Variants in FGF13 observed in about 807,000 individuals in gnomAD.
FGF13 encodes the protein fibroblast growth factor homologous factor 2.
FGF13 carries 2 observed loss-of-function variants against 19.5 expected under a neutral mutation model. That is an observed-to-expected ratio of 0.10 (90% CI 0.04 to 0.32). FGF13 has a LOEUF of 0.32. FGF13 is among the 10% of genes least tolerant of loss of function. The probability of loss-of-function intolerance (pLI) is 1.00; values close to 1 mark genes in which losing one functional copy is unlikely to be tolerated. For synonymous variants in FGF13, 72 were observed against 76.9 expected (o/e 0.94, Z 0.33); for missense variants, 113 against 192.7 (o/e 0.59, Z 2.45).
At chrX:139,169,308 G>T (rs766239967) in intron 1 of FGF13, among the ~76,000 whole-genome samples, 1 of 111,699 alleles carries the variant, frequency 9.0e-6, no homozygotes, top group African/African-American at 3.3e-5. Flanking sequence ...ATTAGAAAAA[G>T]GTAATCCCTC....
At chrX:139,066,158 G>C (rs762695287) in intron 1 of FGF13, among the ~76,000 whole-genome samples, 2 of 111,725 alleles carry the variant, frequency 1.8e-5, no homozygotes, top group Admixed American at 9.5e-5. Context: ...GAATCTCTGG[G>C]ACACATTTAA....
chrX:139,198,293 T>C (rs1472159737), intron 1 of FGF13, among the ~76,000 whole-genome samples: 1 of 112,009 alleles, frequency 8.9e-6, no homozygotes, highest in Non-Finnish European at 1.9e-5. Context: ...CTTTTCTTTC[T>C]TCCCAGCCCT....
intron 1 of FGF13, chrX:138,985,241 T>A (rs1001915596): frequency 8.0e-6 from 2 of 249,432 alleles, no homozygotes; most frequent in African/African-American, 5.8e-5. Context: ...TCCTGGATTT[T>A]GGTTTTGGTT....
rs190808848 is a variant in FGF13, at chrX:138,694,938, T to C, written c.402+8046A>G. On this transcript the variant is annotated intron_variant, in intron 3 of 4. Transcript: ENST00000315930. ...AAAAACTGGGATCTTAGGAGTAGGA[T>C]ATTTACATGGTCTCAAAGTGTCTCC... Among the ~76,000 whole-genome samples, 157 of 108,297 alleles carry C rather than the reference T, an allele frequency of 1.4e-3. 1 individual carries two copies. The highest frequency in any genetic ancestry group is 4.9e-3 in the African/African-American group (146 of 29,661). 94.0% of individuals were successfully genotyped at this position (108,297 alleles called of 115,157 possible).
intron 1 of FGF13, among the ~76,000 whole-genome samples, chrX:138,892,061 A>G (rs2091481044): frequency 9.4e-6 from 1 of 106,175 alleles, no homozygotes; most frequent in Non-Finnish European, 1.9e-5. Context: ...CTGTCCCTCT[A>G]AGAGAACCCT....
chrX:138,817,186 G>T (rs1467984163), intron 3 of FGF13, among the ~76,000 whole-genome samples: 1 of 111,255 alleles, frequency 9.0e-6, no homozygotes, highest in Admixed American at 9.6e-5. Context: ...TTCCATATCT[G>T]CCCTAAAACT....
intron 3 of FGF13, among the ~76,000 whole-genome samples, chrX:138,686,796 G>T (rs890086822): frequency 5.4e-5 from 6 of 111,906 alleles, no homozygotes; most frequent in African/African-American, 1.9e-4. Context: ...AGCCTAGAAT[G>T]TGTATATATA....
At chrX:139,068,487 A>G (rs1206092762) in intron 1 of FGF13, among the ~76,000 whole-genome samples, 1 of 105,343 alleles carries the variant, frequency 9.5e-6, no homozygotes, top group African/African-American at 3.6e-5. Context: ...TTGGTTCCAT[A>G]TGAACTTTAA....
intron 1 of FGF13, among the ~76,000 whole-genome samples, chrX:138,969,296 T>A (rs2091906448): frequency 9.0e-6 from 1 of 111,686 alleles, no homozygotes; most frequent in South Asian, 3.8e-4. Flanking sequence ...AACTGGAGCA[T>A]GAACTGAGGT....
chrX:139,111,438 G>T (rs2083600563), intron 1 of FGF13, among the ~76,000 whole-genome samples: 1 of 112,039 alleles, frequency 8.9e-6, no homozygotes, highest in African/African-American at 3.2e-5. Flanking sequence ...GAGATATATA[G>T]TTATAGCAAC....
At chrX:138,875,079 A>C (rs1212136663) in intron 1 of FGF13, among the ~76,000 whole-genome samples, 6 of 109,736 alleles carry the variant, frequency 5.5e-5, no homozygotes, top group Admixed American at 9.7e-5. Context: ...GTCTCTACTA[A>C]AAATTAGCTG....
At chrX:138,840,511 A>C (rs916948716) in intron 3 of FGF13, among the ~76,000 whole-genome samples, 1 of 111,966 alleles carries the variant, frequency 8.9e-6, no homozygotes, top group African/African-American at 3.2e-5. Flanking sequence ...CTACAGGGGA[A>C]ATCATAATAA....
Position 138,752,864 on chromosome X carries a change from C to T in FGF13, c.218-43936G>A, listed in dbSNP as rs765045484. On this transcript the variant is annotated intron_variant, in intron 3 of 6. Coordinates refer to the FGF13 transcript ENST00000436198. ...TTTTCCAGACATTTATCTCTGAGGC[C>T]ATTCCTCATTGTCAGAAAAAAATCA... 1.5e-4 allele frequency among the ~76,000 whole-genome samples: 17 copies of T among 111,972 alleles called. 1 individual carries two copies. The highest frequency in any genetic ancestry group is 5.5e-4 in the African/African-American group (17 of 30,847).
At chrX:138,649,048 G>A (rs994060774) in intron 3 of FGF13, among the ~76,000 whole-genome samples, 8 of 110,883 alleles carry the variant, frequency 7.2e-5, no homozygotes, top group Non-Finnish European at 1.3e-4. Context: ...TAATCAAGGG[G>A]GCTAAAACTT....
intron 1 of FGF13, among the ~76,000 whole-genome samples, chrX:139,092,314 G>A (rs1323683381): frequency 8.9e-6 from 1 of 112,341 alleles, no homozygotes; most frequent in Admixed American, 9.4e-5. Flanking sequence ...TTCTATTCCA[G>A]CCTGCATTTG....
chrX:138,897,438 T>A (rs1001389163), intron 1 of FGF13, among the ~76,000 whole-genome samples: 5 of 111,569 alleles, frequency 4.5e-5, no homozygotes, highest in Non-Finnish European at 7.5e-5. Flanking sequence ...CTTGGAATGG[T>A]TCACATTCTG....
intron 3 of FGF13, among the ~76,000 whole-genome samples, chrX:138,770,081 T>A (rs1348371156): frequency 1.8e-5 from 2 of 112,268 alleles, no homozygotes; most frequent in Non-Finnish European, 3.8e-5. Flanking sequence ...GCCCCTCTCT[T>A]GAGATCTATA....
chrX:138,963,867 G>T (rs1445784587), intron 1 of FGF13, among the ~76,000 whole-genome samples: 9 of 111,757 alleles, frequency 8.1e-5, no homozygotes, highest in Non-Finnish European at 1.5e-4. Flanking sequence ...TTTTAGTGTG[G>T]TCCCAATCAG....
chrX:138,770,035 T>C (rs2124341927), intron 3 of FGF13, among the ~76,000 whole-genome samples: 1 of 112,337 alleles, frequency 8.9e-6, no homozygotes, highest in East Asian at 2.8e-4. Context: ...CAAAAACGGT[T>C]ATGTGGTCAA....
Sources: gnomAD v4.1 joint callset for allele counts (sites outside exome capture counted in the v4.1 genomes callset) on GRCh38, gnomAD v4.1.1 for gene constraint, MANE v1.5 for transcripts, NCBI Gene and HGNC (gene_info 2026-07-23, HGNC 2026-07-21) for gene names.